PPP3R1: variants seen among roughly 807,000 people sequenced by gnomAD.
PPP3R1 encodes the protein calcineurin subunit B type 1.
A neutral mutation model predicts 22.6 loss-of-function variants in PPP3R1; 5 were observed. The observed-to-expected ratio is 0.22, with a 90% confidence interval of 0.12 to 0.46. The LOEUF (loss-of-function observed/expected upper bound fraction) is 0.46, where lower values mean the gene tolerates loss of function less well. Ranked by LOEUF, PPP3R1 falls within the 20% of genes least tolerant of loss-of-function variation. The pLI, the probability that PPP3R1 is intolerant of heterozygous loss-of-function variation, is 0.99. For synonymous variants in PPP3R1, 56 were observed against 65.2 expected, an observed-to-expected ratio of 0.86 and a Z score of 0.68; for missense variants, 61 against 203.2, an observed-to-expected ratio of 0.30 and a Z score of 4.25.
intron 1 of PPP3R1, among the ~76,000 whole-genome samples, chr2:68,229,460 G>A (rs1192982857): frequency 6.6e-6 from 1 of 151,998 alleles, no homozygotes; most frequent in Non-Finnish European, 1.5e-5. Flanking sequence ...TTTCTTGCTT[G>A]GTTACTCCAC....
intron 1 of PPP3R1, among the ~76,000 whole-genome samples, chr2:68,221,097 C>T (rs1436431952): frequency 4.0e-5 from 6 of 151,804 alleles, no homozygotes; most frequent in Non-Finnish European, 7.4e-5. Context: ...ATTGGGAGGC[C>T]GAGGCAGGCA....
chr2:68,207,880 G>A (rs1669346206), intron 2 of PPP3R1, among the ~76,000 whole-genome samples: 1 of 152,206 alleles, frequency 6.6e-6, no homozygotes, highest in Admixed American at 6.5e-5. Context: ...TCATTGCAGG[G>A]CGCAGTGGCT....
At position 68,180,803 on chromosome 2, in the gene PPP3R1, T is replaced by C; in HGVS notation, c.*160A>G. On this transcript the variant is annotated 3_prime_UTR_variant, in exon 6 of 6. Transcript: ENST00000234310. ...AGTTATTGAGAGAATTACAGTTCAA[T>C]AACACTTAGTTGGCTTCATGAGGCT... The C allele has an allele frequency of 1.5e-6, 1 of 669,662 alleles. No individual in the cohort carries two copies. The highest frequency in any genetic ancestry group is 1.9e-5 in the South Asian group (1 of 52,846). The allele number at this position is 669,662 out of a possible 1,614,324, so 41.5% of individuals were successfully genotyped here. A position where few individuals can be genotyped will look rare whatever the true frequency, so the allele number is the denominator to read the frequency against.
At chr2:68,237,227 T>C in intron 1 of PPP3R1, among the ~76,000 whole-genome samples, 1 of 152,202 alleles carries the variant, frequency 6.6e-6, no homozygotes, top group Admixed American at 6.5e-5. Flanking sequence ...CCAAGAATAC[T>C]ACATACTGGT....
At chr2:68,197,973 T>A (rs996736820) in intron 2 of PPP3R1, among the ~76,000 whole-genome samples, 37 of 143,892 alleles carry the variant, frequency 2.6e-4, no homozygotes, top group Admixed American at 2.9e-4. Context: ...TTTAAATATA[T>A]GATACATATA....
At chr2:68,229,973 TACACACACACAC>T (rs201152385) in intron 1 of PPP3R1, among the ~76,000 whole-genome samples, 15,716 of 143,092 alleles carry the variant, frequency 0.11, 1,101 homozygotes, top group Middle Eastern at 0.22. Flanking sequence ...TATACACACA[TACACACACACAC>T]ACACACACAC....
intron 1 of PPP3R1, among the ~76,000 whole-genome samples, chr2:68,231,065 A>G (rs555716700): frequency 1.3e-5 from 2 of 152,282 alleles, no homozygotes; most frequent in East Asian, 3.9e-4. Context: ...TTCCTTAAGT[A>G]CTTTTTCAAT....
chr2:68,248,843 G>C (rs1271400631), intron 1 of PPP3R1, among the ~76,000 whole-genome samples: 1 of 152,082 alleles, frequency 6.6e-6, no homozygotes, highest in African/African-American at 2.4e-5. Context: ...ATCATGCTTT[G>C]TGTGTACTAT....
chr2:68,199,900 A>T (rs1674936741), intron 2 of PPP3R1, among the ~76,000 whole-genome samples: 1 of 152,036 alleles, frequency 6.6e-6, no homozygotes, highest in African/African-American at 2.4e-5. Flanking sequence ...TTCCATATTG[A>T]TTTTATTATA....
At chr2:68,196,147 C>G (rs1366832677) in intron 2 of PPP3R1, among the ~76,000 whole-genome samples, 1 of 152,168 alleles carries the variant, frequency 6.6e-6, no homozygotes, top group Non-Finnish European at 1.5e-5. Context: ...TACTGAATAA[C>G]TCCTGTGAAG....
intron 1 of PPP3R1, among the ~76,000 whole-genome samples, chr2:68,222,284 T>G (rs1669699430): frequency 6.6e-6 from 1 of 152,160 alleles, no homozygotes; most frequent in Non-Finnish European, 1.5e-5. Flanking sequence ...AAGATGTATA[T>G]TGTAAACTCT....
Position 68,180,826 on chromosome 2 carries a change from G to T in PPP3R1, c.*137C>A. The T allele has an allele frequency of 3.6e-6, 3 of 833,460 alleles. No individual in the cohort carries two copies. The highest frequency in any genetic ancestry group is 1.7e-5 in the African/African-American group (1 of 58,556). 51.6% of individuals were successfully genotyped at this position (833,460 alleles called of 1,614,324 possible). On this transcript the variant is annotated 3_prime_UTR_variant, in exon 6 of 6. Coordinates refer to ENST00000234310, the MANE Select transcript of PPP3R1 (RefSeq NM_000945.4). ...AATAACACTTAGTTGGCTTCATGAG[G>T]CTCATGTTGGAAAATGTGGCTTCAC...
At chr2:68,221,420 C>A (rs1669686880) in intron 1 of PPP3R1, among the ~76,000 whole-genome samples, 1 of 150,382 alleles carries the variant, frequency 6.6e-6, no homozygotes, top group Non-Finnish European at 1.5e-5. Flanking sequence ...ACTGCTTGAG[C>A]CTGATAGGTC....
Position 68,187,281 on chromosome 2 carries a change from T to C in PPP3R1, c.254A>G (p.Lys85Arg). ...FIEGVSQFSV[K>R]GDKEQKLRFA... ...CCTCAATTTCTGCTCCTTATCTCCTTTGACACTGAACTGAGAGACGCCCTC... is the reference window on the plus strand; with the variant it reads ...CCTCAATTTCTGCTCCTTATCTCCTCTGACACTGAACTGAGAGACGCCCTC... The change falls in exon 4 of 6, where the codon AAA becomes AGA. Residue 85 changes from lysine (K) to arginine (R), a missense_variant. Coordinates refer to ENST00000234310, the MANE Select transcript of PPP3R1 (RefSeq NM_000945.4). 1 of 1,611,168 alleles carries C rather than the reference T, an allele frequency of 6.2e-7. No homozygotes were observed.
intron 1 of PPP3R1, among the ~76,000 whole-genome samples, chr2:68,243,242 A>G (rs922320706): frequency 6.6e-6 from 1 of 152,226 alleles, no homozygotes; most frequent in Non-Finnish European, 1.5e-5. Flanking sequence ...ATTTCATAGT[A>G]CAAGACTATA....
At chr2:68,196,002 A>C (rs1325390411) in intron 2 of PPP3R1, among the ~76,000 whole-genome samples, 2 of 152,086 alleles carry the variant, frequency 1.3e-5, no homozygotes, top group Non-Finnish European at 2.9e-5. Flanking sequence ...TTGTACAGCA[A>C]GAAATTTAGA....
chr2:68,239,967 T>C (rs1328176428), intron 1 of PPP3R1, among the ~76,000 whole-genome samples: 3 of 152,182 alleles, frequency 2.0e-5, no homozygotes, highest in Non-Finnish European at 4.4e-5. Context: ...TTCAATAAAT[T>C]ATGTAAGTAT....
chr2:68,232,221 ATATGTG>A (rs1669926258), intron 1 of PPP3R1, among the ~76,000 whole-genome samples: 1 of 28,766 alleles, frequency 3.5e-5, no homozygotes, highest in African/African-American at 5.9e-4. Flanking sequence ...GTATATGTAT[ATATGTG>A]TGTGTGTGTG....
At chr2:68,196,891 A>G (rs554143501) in intron 2 of PPP3R1, among the ~76,000 whole-genome samples, 1 of 152,106 alleles carries the variant, frequency 6.6e-6, no homozygotes, top group African/African-American at 2.4e-5. Context: ...CGCCCTGCTG[A>G]TTTTTGTATT....
Sources: gnomAD v4.1 joint callset for allele counts (sites outside exome capture counted in the v4.1 genomes callset) on GRCh38, gnomAD v4.1.1 for gene constraint, MANE v1.5 for transcripts, NCBI Gene and HGNC (gene_info 2026-07-23, HGNC 2026-07-21) for gene names.